Variants in TEAD4 observed in about 807,000 individuals in gnomAD.
TEAD4 encodes the protein TEA domain transcription factor 4.
TEAD4 carries 36 observed loss-of-function variants against 52.4 expected under a neutral mutation model. The observed-to-expected ratio is 0.69, with a 90% CI of 0.53 to 0.91. TEAD4 has a LOEUF of 0.91. Among genes scored for constraint, TEAD4 ranks in the 40% least tolerant of loss-of-function variants. The pLI is 0.00. For synonymous variants in TEAD4, 220 were observed against 231.0 expected (o/e 0.95, Z 0.43); for missense variants, 508 against 583.9 (o/e 0.87, Z 1.34).
Position 3,007,088 on chromosome 12 carries a change from G to A in TEAD4, c.227-3916G>A, listed in dbSNP as rs142664407. Among the ~76,000 whole-genome samples the A allele has an allele frequency of 3.6e-3, 545 of 152,258 alleles. 2 individuals are homozygous for A. Among genetic ancestry groups the A allele is most frequent in the African/African-American group, 0.012 (500 of 41,556 alleles). Reference sequence around the variant, plus strand: ...GACCCCTTGGTGTGGCTCCTGTCCCGCCCCATTACTAGCCTCTCGCCGGGG... The same window carrying A: ...GACCCCTTGGTGTGGCTCCTGTCCCACCCCATTACTAGCCTCTCGCCGGGG... On this transcript the variant is annotated intron_variant, in intron 3 of 12. Transcript: ENST00000359864.
intron 11 of TEAD4, among the ~76,000 whole-genome samples, chr12:3,039,800 G>T (rs1300683702): frequency 6.6e-6 from 1 of 152,222 alleles, no homozygotes; most frequent in African/African-American, 2.4e-5. Context: ...CGATTCTCCT[G>T]CCTCAGCCTC....
intron 10 of TEAD4, among the ~76,000 whole-genome samples, chr12:3,023,057 C>G (rs747130228): frequency 1.8e-4 from 28 of 152,210 alleles, no homozygotes; most frequent in Admixed American, 6.5e-4. Flanking sequence ...CAGCCTGGCT[C>G]TCATCCACAG....
At chr12:3,024,835 A>G (rs1362937075) in intron 10 of TEAD4, among the ~76,000 whole-genome samples, 1 of 152,126 alleles carries the variant, frequency 6.6e-6, no homozygotes, top group Non-Finnish European at 1.5e-5. Flanking sequence ...ATAAAATTAA[A>G]ATTTTTTTCC....
intron 10 of TEAD4, among the ~76,000 whole-genome samples, chr12:3,032,599 G>A (rs1028337375): frequency 2.0e-5 from 3 of 152,226 alleles, no homozygotes; most frequent in Admixed American, 2.0e-4. Context: ...TCAGCAGTTT[G>A]ATCTTGGGGA....
chr12:3,016,390 AGCT>A (rs1282110346), intron 5 of TEAD4, among the ~76,000 whole-genome samples: 1 of 152,164 alleles, frequency 6.6e-6, no homozygotes, highest in Non-Finnish European at 1.5e-5. Context: ...GCCCCGATAA[AGCT>A]GCAGACAGTG....
intron 3 of TEAD4, among the ~76,000 whole-genome samples, chr12:2,997,837 G>A (rs1017809366): frequency 6.6e-5 from 10 of 151,258 alleles, no homozygotes; most frequent in East Asian, 1.9e-4. Flanking sequence ...TAAAAAATAC[G>A]TAACATTTTC....
rs912933244 is a variant in TEAD4 at position 3,040,391 on chromosome 12, G to A, written c.1218G>A (p.Glu406=). ...TGGTCACCAACAGAGACACACAGGA[G>A]ACCTTGCTGTGCATTGCCTATGTCT... Residue 406 remains glutamate (E), a synonymous_variant, in exon 13 of 13, where the codon GAG becomes GAA. Transcript: ENST00000359864. The A allele has an allele frequency of 1.9e-6, 3 of 1,614,204 alleles. No homozygotes were observed. Among genetic ancestry groups the A allele is most frequent in the Non-Finnish European group, 2.5e-6 (3 of 1,180,038 alleles).
intron 10 of TEAD4, among the ~76,000 whole-genome samples, chr12:3,034,918 A>G (rs2098278398): frequency 3.3e-5 from 5 of 149,878 alleles, no homozygotes; most frequent in Admixed American, 2.0e-4. Context: ...ATATGGTGAA[A>G]CCCCACCTCT....
At chr12:2,992,271 G>A (rs1044609869) in intron 2 of TEAD4, among the ~76,000 whole-genome samples, 22 of 152,064 alleles carry the variant, frequency 1.4e-4, no homozygotes, top group Non-Finnish European at 2.4e-4. Context: ...CACCCGCCTC[G>A]GCCTCCCAAA....
intron 10 of TEAD4, among the ~76,000 whole-genome samples, chr12:3,031,335 A>G (rs536605284): frequency 6.6e-6 from 1 of 152,298 alleles, no homozygotes; most frequent in African/African-American, 2.4e-5. Context: ...GACCCTGGGG[A>G]TACAGTTGGG....
intron 5 of TEAD4, among the ~76,000 whole-genome samples, chr12:3,013,478 C>A (rs1432496534): frequency 6.6e-6 from 1 of 152,076 alleles, no homozygotes; most frequent in African/African-American, 2.4e-5. Context: ...GTGGCTCACG[C>A]CTGTAAGCAC....
At chr12:2,982,632 G>A (rs1057288596) in intron 2 of TEAD4, among the ~76,000 whole-genome samples, 12 of 152,200 alleles carry the variant, frequency 7.9e-5, no homozygotes, top group South Asian at 2.1e-4. Context: ...GATGTGGGCC[G>A]CGGGCAGATA....
At chr12:2,986,537 G>T (rs2098238672) in intron 2 of TEAD4, among the ~76,000 whole-genome samples, 1 of 151,962 alleles carries the variant, frequency 6.6e-6, no homozygotes, top group Non-Finnish European at 1.5e-5. Context: ...CTACTCGGGA[G>T]GCTGAGTCAC....
intron 2 of TEAD4, among the ~76,000 whole-genome samples, chr12:2,987,196 A>G (rs561285106): frequency 6.6e-6 from 1 of 152,294 alleles, no homozygotes; most frequent in African/African-American, 2.4e-5. Context: ...TTAAACCAAT[A>G]GAGTGGGAAT....
At chr12:2,998,927 G>T (rs977641183) in intron 3 of TEAD4, among the ~76,000 whole-genome samples, 3 of 152,176 alleles carry the variant, frequency 2.0e-5, no homozygotes, top group African/African-American at 7.2e-5. Context: ...CACCTGTCCT[G>T]CATGAGAATA....
At chr12:2,964,420 G>A (rs2098218516) in intron 2 of TEAD4, among the ~76,000 whole-genome samples, 1 of 152,086 alleles carries the variant, frequency 6.6e-6, no homozygotes, top group African/African-American at 2.4e-5. Context: ...GGAGTCCCCA[G>A]GCTGGGGTCG....
chr12:3,003,563 C>A (rs2159410), intron 3 of TEAD4, among the ~76,000 whole-genome samples: 3 of 152,036 alleles, frequency 2.0e-5, no homozygotes, highest in Non-Finnish European at 4.4e-5. Context: ...GAGATTCCTC[C>A]TGGATGCTGC....
chr12:2,975,974 G>A (rs1280053755), intron 2 of TEAD4, among the ~76,000 whole-genome samples: 4 of 150,890 alleles, frequency 2.7e-5, no homozygotes, highest in South Asian at 2.1e-4. Context: ...TAAGTAATAC[G>A]CATTTGAGTT....
chr12:2,989,538 A>G (rs1322356395), intron 2 of TEAD4, among the ~76,000 whole-genome samples: 3 of 152,132 alleles, frequency 2.0e-5, no homozygotes, highest in Non-Finnish European at 4.4e-5. Flanking sequence ...TCCTGGGTTC[A>G]AGTGATTCTC....
Sources: allele counts gnomAD v4.1 joint callset (sites outside exome capture counted in the v4.1 genomes callset), GRCh38; gene constraint gnomAD v4.1.1; transcripts MANE v1.5; gene names NCBI Gene and HGNC (gene_info 2026-07-23, HGNC 2026-07-21).